ZBTB8OS: variants seen among roughly 807,000 people sequenced by gnomAD.
ZBTB8OS encodes the protein tRNA splicing ligase complex subunit 1, also known as tRNA-splicing ligase-activating factor archease.
Under a neutral mutation model 29.3 loss-of-function variants are expected in ZBTB8OS, and 16 were observed. The ratio of observed to expected loss-of-function variants is 0.55; its 90% CI spans 0.37 to 0.83. ZBTB8OS has a LOEUF of 0.83. Ranked by LOEUF, ZBTB8OS falls within the 40% of genes least tolerant of loss-of-function variation. The probability of loss-of-function intolerance (pLI) is 0.00; values close to 1 mark genes in which losing one functional copy is unlikely to be tolerated. For missense variants in ZBTB8OS, 160 were observed against 196.9 expected (o/e 0.81, Z 1.12); for synonymous variants, 70 against 64.6 (o/e 1.08, Z -0.40).
intron 1 of ZBTB8OS, among the ~76,000 whole-genome samples, chr1:32,648,532 G>A (rs1272349208): frequency 6.6e-6 from 1 of 152,180 alleles, no homozygotes; most frequent in African/African-American, 2.4e-5. Context: ...GTATGTACAT[G>A]TAAGAAAAAG....
intron 1 of ZBTB8OS, among the ~76,000 whole-genome samples, chr1:32,645,583 T>C (rs867977352): frequency 2.0e-5 from 3 of 152,112 alleles, no homozygotes; most frequent in Non-Finnish European, 2.9e-5. Context: ...ACAGACAGAG[T>C]CTTGCTATGT....
chr1:32,637,202 C>T (rs565015512), intron 1 of ZBTB8OS, among the ~76,000 whole-genome samples: 3 of 152,070 alleles, frequency 2.0e-5, no homozygotes, highest in African/African-American at 7.3e-5. Context: ...TTAAATAAAA[C>T]CTGTTTTCAC....
chr1:32,629,555 T>A (rs1035047748), intron 5 of ZBTB8OS, among the ~76,000 whole-genome samples: 1 of 152,158 alleles, frequency 6.6e-6, no homozygotes, highest in African/African-American at 2.4e-5. Context: ...GGTTTACACT[T>A]TACAACTTTT....
At chr1:32,635,371 A>C (rs1345127473) in intron 1 of ZBTB8OS, among the ~76,000 whole-genome samples, 3 of 151,706 alleles carry the variant, frequency 2.0e-5, no homozygotes, top group Non-Finnish European at 2.9e-5. Context: ...TCCAGGGTTC[A>C]AGTGATTCTC....
Position 32,639,262 on chromosome 1 carries a change from C to T in ZBTB8OS, c.98-4470G>A, listed in dbSNP as rs191682170. Among the ~76,000 whole-genome samples, 4 of 150,772 alleles carry T rather than the reference C, an allele frequency of 2.7e-5. No individual in the cohort carries two copies. In the South Asian group the frequency reaches 6.3e-4, roughly 24 times the overall value. The stretch of plus-strand genomic sequence containing the variant: ...GCAGTGAGCCAAGATCATGCCACTG[C>T]ACTCCAGCCTGGGCAACAGAGCAAG... On this transcript the variant is annotated intron_variant, in intron 1 of 6. Coordinates refer to ENST00000468695, the MANE Select transcript of ZBTB8OS (RefSeq NM_178547.5).
intron 4 of ZBTB8OS, chr1:32,633,444 T>C: frequency 1.9e-6 from 1 of 513,268 alleles, no homozygotes; most frequent in Non-Finnish European, 3.5e-6. Flanking sequence ...ATACATGAGA[T>C]CTAAATACGA....
chr1:32,647,168 A>G (rs1261573560), intron 1 of ZBTB8OS, among the ~76,000 whole-genome samples: 1 of 149,512 alleles, frequency 6.7e-6, no homozygotes, highest in Non-Finnish European at 1.5e-5. Context: ...TGGAAGTTCG[A>G]GACCACCCTG....
chr1:32,645,276 T>C (rs558572125), intron 1 of ZBTB8OS, among the ~76,000 whole-genome samples: 84 of 152,262 alleles, frequency 5.5e-4, no homozygotes, highest in African/African-American at 1.9e-3. Flanking sequence ...GGCAGGACGA[T>C]TGCTTAAGGC....
At chr1:32,645,691 G>A (rs1646778349) in intron 1 of ZBTB8OS, among the ~76,000 whole-genome samples, 1 of 152,068 alleles carries the variant, frequency 6.6e-6, no homozygotes, top group South Asian at 2.1e-4. Context: ...TACAATTATA[G>A]CTCCAAAAGA....
At chr1:32,645,360 T>C (rs1307380891) in intron 1 of ZBTB8OS, among the ~76,000 whole-genome samples, 1 of 151,148 alleles carries the variant, frequency 6.6e-6, no homozygotes, top group Non-Finnish European at 1.5e-5. Flanking sequence ...TAGCTAGGTG[T>C]AGTAGCCAGG....
At chr1:32,640,187 C>T (rs12033880) in intron 1 of ZBTB8OS, 16,800 of 152,116 alleles carry the variant, frequency 0.11, 1,717 homozygotes, top group African/African-American at 0.26. Context: ...ACCTCCACCT[C>T]CCTGGTTCAA....
chr1:32,623,549 T>G (rs1644888940), intron 6 of ZBTB8OS, among the ~76,000 whole-genome samples: 1 of 152,142 alleles, frequency 6.6e-6, no homozygotes, highest in Non-Finnish European at 1.5e-5. Flanking sequence ...CACCTTAGCC[T>G]GATTGCAATG....
chr1:32,640,087 C>T (rs534493966), intron 1 of ZBTB8OS: 4 of 151,142 alleles, frequency 2.6e-5, no homozygotes, highest in Non-Finnish European at 4.4e-5. Flanking sequence ...TTATGTTATA[C>T]CAAAACTCAA....
intron 1 of ZBTB8OS, 51 bp downstream of exon 1, chr1:32,650,382 G>A: frequency 1.2e-6 from 2 of 1,609,898 alleles, no homozygotes; most frequent in Non-Finnish European, 8.5e-7. Flanking sequence ...GGTAAGGAGA[G>A]GGGATGCCTG....
chr1:32,641,127 G>A (rs1275758516), intron 1 of ZBTB8OS, among the ~76,000 whole-genome samples: 2 of 151,802 alleles, frequency 1.3e-5, no homozygotes, highest in African/African-American at 2.4e-5. Context: ...AGCCGAGATC[G>A]TGCCACTGCT....
intron 1 of ZBTB8OS, among the ~76,000 whole-genome samples, chr1:32,647,454 AAAAG>A (rs1557827662): frequency 4.7e-5 from 7 of 149,608 alleles, no homozygotes; most frequent in Non-Finnish European, 8.9e-5. Context: ...AAAAAAAAAG[AAAAG>A]AAAGAAAGGG....
chr1:32,650,348 T>C (rs1027791455), intron 1 of ZBTB8OS, 85 bp downstream of exon 1: 560 of 1,558,112 alleles, frequency 3.6e-4, no homozygotes, highest in African/African-American at 6.9e-4. Flanking sequence ...TGGGGCACAG[T>C]AGAAAGAGCA....
At chr1:32,650,634 G>A (rs1557840569), upstream of ZBTB8OS, 2 of 1,590,830 alleles carry the variant, frequency 1.3e-6, no homozygotes, top group East Asian at 2.3e-5. Context: ...ACCCTTAAAG[G>A]ACCACACTCC....
Position 32,627,849 on chromosome 1 carries a change from A to G in ZBTB8OS, c.381-305T>C, listed in dbSNP as rs549198278. 22 of 350,442 alleles carry G rather than the reference A, an allele frequency of 6.3e-5. No homozygotes were observed. In the Admixed American group the frequency reaches 1.0e-3, roughly 16 times the overall value. 21.7% of individuals were successfully genotyped at this position (350,442 alleles called of 1,614,324 possible). A position where few individuals can be genotyped will look rare whatever the true frequency, so the allele number is the denominator to read the frequency against. On this transcript the variant is annotated intron_variant, in intron 5 of 6. Transcript: ENST00000468695. Reference sequence around the variant, plus strand: ...CAGGAGTTTGAGAACAGCCTGAGCAACATAGGGAGACCTCATCTGTACACA... The same window carrying G: ...CAGGAGTTTGAGAACAGCCTGAGCAGCATAGGGAGACCTCATCTGTACACA...
Sources: allele counts gnomAD v4.1 joint callset (sites outside exome capture counted in the v4.1 genomes callset), GRCh38; gene constraint gnomAD v4.1.1; transcripts MANE v1.5; gene names NCBI Gene and HGNC (gene_info 2026-07-23, HGNC 2026-07-21).